The following RBFOX2 variants were observed in gnomAD, a reference collection of about 807,000 sequenced individuals.
RBFOX2 encodes the protein RNA binding protein fox-1 homolog 2.
Under a neutral mutation model 49.1 loss-of-function variants are expected in RBFOX2, and 10 were observed. The ratio of observed to expected loss-of-function variants is 0.20; its 90% CI spans 0.13 to 0.35. The LOEUF (loss-of-function observed/expected upper bound fraction) is 0.35, where lower values mean the gene tolerates loss of function less well. Among genes scored for constraint, RBFOX2 ranks in the 10% least tolerant of loss-of-function variants. The probability of loss-of-function intolerance (pLI) is 1.00; values close to 1 mark genes in which losing one functional copy is unlikely to be tolerated. For synonymous variants in RBFOX2, 183 were observed against 187.4 expected, an observed-to-expected ratio of 0.98 and a Z score of 0.19; for missense variants, 323 against 486.9, an observed-to-expected ratio of 0.66 and a Z score of 3.17.
intron 2 of RBFOX2, among the ~76,000 whole-genome samples, chr22:35,788,309 T>C (rs757141818): frequency 1.3e-5 from 2 of 152,252 alleles, no homozygotes; most frequent in Non-Finnish European, 2.9e-5. Flanking sequence ...GACTCTGATA[T>C]AGATACTAAG....
chr22:35,896,879 A>G (rs2047911664), intron 1 of RBFOX2, among the ~76,000 whole-genome samples: 1 of 152,222 alleles, frequency 6.6e-6, no homozygotes, highest in Non-Finnish European at 1.5e-5. Flanking sequence ...TTTTCTAAAT[A>G]AAAGAAAAAA....
rs2147011212 is a variant in RBFOX2 at position 35,777,822 on chromosome 22, C to CTT, written c.453+202_453+203insAA. On this transcript the variant is annotated intron_variant, in intron 4 of 11. Transcript: ENST00000405409. Reference sequence around the variant, plus strand: ...CAACCTTCTCTGCTTCTTACTTCATCACCCTTCCACCCCCATATAAGTATC... The same window carrying CTT: ...CAACCTTCTCTGCTTCTTACTTCATCTTACCCTTCCACCCCCATATAAGTATC... The CTT allele has an allele frequency of 1.1e-5, 6 of 566,676 alleles. No individual in the cohort carries two copies. In the South Asian group the frequency reaches 1.5e-4, roughly 14 times the overall value. 35.1% of individuals were successfully genotyped at this position (566,676 alleles called of 1,614,324 possible).
chr22:36,021,330 G>A (rs1256190018), intron 1 of RBFOX2, among the ~76,000 whole-genome samples: 1 of 151,836 alleles, frequency 6.6e-6, no homozygotes, highest in Non-Finnish European at 1.5e-5. Context: ...ACACCAACAT[G>A]GCACATGTAT....
At position 35,860,395 on chromosome 22, in the gene RBFOX2, T is replaced by C. The variant is rs148222409; in HGVS notation, c.-33-50391A>G. On this transcript the variant is annotated intron_variant, in intron 1 of 13. Transcript: ENST00000359369. ...TGAGAGTGAGGTTATCCTAGACCACTGAGGCTCAGCAAATGCGGCCAAGAC... is the reference window on the plus strand; with the variant it reads ...TGAGAGTGAGGTTATCCTAGACCACCGAGGCTCAGCAAATGCGGCCAAGAC... 2.5e-3 allele frequency among the ~76,000 whole-genome samples: 383 copies of C among 152,322 alleles called. 4 individuals carry two copies. The highest frequency in any genetic ancestry group is 9.0e-3 in the African/African-American group (374 of 41,580).
chr22:35,884,656 T>A (rs568133202), intron 1 of RBFOX2, among the ~76,000 whole-genome samples: 1 of 152,284 alleles, frequency 6.6e-6, no homozygotes, highest in African/African-American at 2.4e-5. Flanking sequence ...TAACCAAATC[T>A]TAGAAGTGAC....
exon 12 of RBFOX2, chr22:35,743,214 T>C (rs1391809504): frequency 2.0e-5 from 3 of 152,232 alleles, no homozygotes; most frequent in African/African-American, 7.2e-5. Context: ...CCCTCTTTAA[T>C]GGCTGTCAAC....
At chr22:35,898,761 T>C (rs1411325711) in intron 1 of RBFOX2, among the ~76,000 whole-genome samples, 2 of 151,916 alleles carry the variant, frequency 1.3e-5, no homozygotes, top group Non-Finnish European at 2.9e-5. Flanking sequence ...ATCAATAAAA[T>C]AAATACAATG....
intron 1 of RBFOX2, among the ~76,000 whole-genome samples, chr22:35,932,919 G>T (rs943020868): frequency 6.6e-6 from 1 of 152,100 alleles, no homozygotes; most frequent in Non-Finnish European, 1.5e-5. Context: ...AATATGAAAA[G>T]ATAAAATTTA....
At chr22:35,915,344 C>G (rs1393026425) in intron 1 of RBFOX2, among the ~76,000 whole-genome samples, 1 of 152,214 alleles carries the variant, frequency 6.6e-6, no homozygotes, top group Non-Finnish European at 1.5e-5. Context: ...CAATGCCCTT[C>G]AATTGTAGCT....
At chr22:35,992,635 TA>T (rs775383926) in intron 1 of RBFOX2, 1 of 152,218 alleles carries the variant, frequency 6.6e-6, no homozygotes, top group Non-Finnish European at 1.5e-5. Context: ...AGTTTCCTTA[TA>T]AAAAAGCTCC....
At chr22:36,028,564 G>A (rs1306249432) in exon 1 of RBFOX2, 3 of 810,776 alleles carry the variant, frequency 3.7e-6, no homozygotes, top group Non-Finnish European at 3.0e-6. Context: ...GCGCGCGAGC[G>A]GACTCCGCGC....
At chr22:35,790,462 TATTTGTG>T (rs1444134390) in intron 2 of RBFOX2, among the ~76,000 whole-genome samples, 1 of 152,188 alleles carries the variant, frequency 6.6e-6, no homozygotes, top group East Asian at 1.9e-4. Context: ...ATTATTAAAA[TATTTGTG>T]ATAAGGAGAC....
chr22:35,938,096 C>T (rs1029701653), intron 1 of RBFOX2, among the ~76,000 whole-genome samples: 1 of 152,116 alleles, frequency 6.6e-6, no homozygotes, highest in Admixed American at 6.6e-5. Context: ...TCCTGAAGAA[C>T]GTCAATATCC....
At chr22:35,917,960 A>G (rs2050614224) in intron 1 of RBFOX2, among the ~76,000 whole-genome samples, 1 of 152,238 alleles carries the variant, frequency 6.6e-6, no homozygotes, top group African/African-American at 2.4e-5. Flanking sequence ...GCCACTAGCA[A>G]GAGCTATAAG....
At chr22:35,778,675 C>T (rs767413087) in intron 3 of RBFOX2, among the ~76,000 whole-genome samples, 1 of 151,864 alleles carries the variant, frequency 6.6e-6, no homozygotes, top group Non-Finnish European at 1.5e-5. Flanking sequence ...CTTGAACTGT[C>T]ACCCAGGCTG....
intron 1 of RBFOX2, chr22:35,840,158 G>A: frequency 6.2e-7 from 1 of 1,609,896 alleles, no homozygotes; most frequent in Non-Finnish European, 8.5e-7. Context: ...CCAGAGAGGA[G>A]AAAAGAAACA....
chr22:35,888,963 T>A (rs563121168), intron 1 of RBFOX2, among the ~76,000 whole-genome samples: 4 of 152,224 alleles, frequency 2.6e-5, no homozygotes, highest in African/African-American at 9.6e-5. Context: ...AAGACCAGCC[T>A]GGCCAACATG....
intron 1 of RBFOX2, among the ~76,000 whole-genome samples, chr22:35,834,868 C>A (rs1957371806): frequency 6.6e-6 from 1 of 152,104 alleles, no homozygotes; most frequent in East Asian, 1.9e-4. Flanking sequence ...AAGGTATAAG[C>A]ACAGGAATGA....
chr22:35,965,715 A>G (rs1275163237), upstream of RBFOX2, among the ~76,000 whole-genome samples: 1 of 152,220 alleles, frequency 6.6e-6, no homozygotes, highest in East Asian at 1.9e-4. Context: ...TAACTTTAAA[A>G]AGCACCTTCA....
Sources: gnomAD v4.1 joint callset for allele counts (sites outside exome capture counted in the v4.1 genomes callset) on GRCh38, gnomAD v4.1.1 for gene constraint, MANE v1.5 for transcripts, NCBI Gene and HGNC (gene_info 2026-07-23, HGNC 2026-07-21) for gene names.